The following KCNH7 variants were observed in gnomAD, a reference collection of about 807,000 sequenced individuals.
KCNH7 encodes voltage-gated inwardly rectifying potassium channel KCNH7.
KCNH7 carries 49 observed loss-of-function variants against 120.8 expected under a neutral mutation model. That is an observed-to-expected ratio of 0.41 (90% confidence interval 0.32 to 0.51). The LOEUF is 0.51. Ranked by LOEUF, KCNH7 falls within the 20% of genes least tolerant of loss-of-function variation. The probability of loss-of-function intolerance (pLI) is 0.38; values close to 1 mark genes in which losing one functional copy is unlikely to be tolerated. For missense variants in KCNH7, 1,097 were observed against 1,446.6 expected, an observed-to-expected ratio of 0.76 and a Z score of 3.92; for synonymous variants, 547 against 516.1, an observed-to-expected ratio of 1.06 and a Z score of -0.81.
At chr2:162,430,457 T>A (rs569871987) in intron 8 of KCNH7, among the ~76,000 whole-genome samples, 10 of 152,200 alleles carry the variant, frequency 6.6e-5, no homozygotes, top group African/African-American at 2.4e-4. Flanking sequence ...TTAGTCTCCA[T>A]GACCTCTGAT....
chr2:162,587,700 G>T (rs530821569), intron 2 of KCNH7, among the ~76,000 whole-genome samples: 4 of 151,800 alleles, frequency 2.6e-5, no homozygotes, highest in African/African-American at 9.7e-5. Context: ...GTGTGCAATG[G>T]TAAAAAGCAA....
At chr2:162,766,472 A>G (rs1448833547) in intron 2 of KCNH7, among the ~76,000 whole-genome samples, 2 of 152,164 alleles carry the variant, frequency 1.3e-5, no homozygotes, top group African/African-American at 4.8e-5. Context: ...TTGTCACAAT[A>G]ATTTCTGACA....
At chr2:162,737,926 A>G (rs772548687) in intron 2 of KCNH7, among the ~76,000 whole-genome samples, 1 of 151,974 alleles carries the variant, frequency 6.6e-6, no homozygotes, top group East Asian at 1.9e-4. Flanking sequence ...TTAGCCACGT[A>G]TGGTGGCGCA....
At chr2:162,778,886 T>A (rs1181617071) in intron 2 of KCNH7, among the ~76,000 whole-genome samples, 1 of 152,106 alleles carries the variant, frequency 6.6e-6, no homozygotes, top group Non-Finnish European at 1.5e-5. Flanking sequence ...TATACGCATT[T>A]ACTACTTGGC....
At chr2:162,502,134 CAT>C (rs994403438) in intron 6 of KCNH7, 1 of 152,068 alleles carries the variant, frequency 6.6e-6, no homozygotes, top group Non-Finnish European at 1.5e-5. Flanking sequence ...TTACTGCTTT[CAT>C]AACTTTGTTC....
chr2:162,716,172 T>C (rs2105366074), intron 2 of KCNH7, among the ~76,000 whole-genome samples: 1 of 152,286 alleles, frequency 6.6e-6, no homozygotes, highest in Non-Finnish European at 1.5e-5. Flanking sequence ...TGATATTATC[T>C]TACTTACTAT....
At chr2:162,448,751 A>T (rs540022623) in intron 6 of KCNH7, among the ~76,000 whole-genome samples, 1 of 152,156 alleles carries the variant, frequency 6.6e-6, no homozygotes, top group South Asian at 2.1e-4. Context: ...GCACACCTTC[A>T]TTTAACATTC....
chr2:162,670,568 T>C (rs1685314939), intron 2 of KCNH7, among the ~76,000 whole-genome samples: 1 of 151,504 alleles, frequency 6.6e-6, no homozygotes, highest in Admixed American at 6.6e-5. Context: ...GGATATAAAT[T>C]GGGAGGTAAT....
At chr2:162,673,848 A>AT (rs1430288702) in intron 2 of KCNH7, among the ~76,000 whole-genome samples, 3 of 151,962 alleles carry the variant, frequency 2.0e-5, no homozygotes, top group African/African-American at 7.2e-5. Flanking sequence ...ATCTACTTAT[A>AT]TTTTTTTACA....
At chr2:162,600,540 A>G (rs922786614) in intron 2 of KCNH7, among the ~76,000 whole-genome samples, 4 of 152,158 alleles carry the variant, frequency 2.6e-5, no homozygotes, top group African/African-American at 7.2e-5. Context: ...GGTTTCAGTG[A>G]CAAGCCCCTA....
chr2:162,459,626 C>T (rs1689083626), intron 6 of KCNH7, among the ~76,000 whole-genome samples: 1 of 152,244 alleles, frequency 6.6e-6, no homozygotes, highest in Non-Finnish European at 1.5e-5. Context: ...GATAGTGGAA[C>T]CTCCAAATGT....
chr2:162,640,516 T>C (rs974186060), intron 2 of KCNH7, among the ~76,000 whole-genome samples: 4 of 151,824 alleles, frequency 2.6e-5, no homozygotes, highest in East Asian at 3.9e-4. Flanking sequence ...AAAAATGAAA[T>C]TTGACCCAAG....
intron 6 of KCNH7, among the ~76,000 whole-genome samples, chr2:162,476,440 T>A (rs887964884): frequency 2.6e-5 from 4 of 152,214 alleles, no homozygotes; most frequent in African/African-American, 4.8e-5. Context: ...TAACTTCTTA[T>A]GAAGACAGAT....
At chr2:162,735,190 C>G (rs1052443490) in intron 2 of KCNH7, among the ~76,000 whole-genome samples, 2 of 152,150 alleles carry the variant, frequency 1.3e-5, no homozygotes, top group Non-Finnish European at 2.9e-5. Flanking sequence ...CTCCATCTTG[C>G]TTCTAATCTC....
At chr2:162,580,263 A>C (rs1693825641) in intron 2 of KCNH7, among the ~76,000 whole-genome samples, 1 of 152,070 alleles carries the variant, frequency 6.6e-6, no homozygotes, top group African/African-American at 2.4e-5. Flanking sequence ...TCCCAGACCA[A>C]AGGAAAAAAG....
At chr2:162,790,705 T>C (rs1268233786) in intron 2 of KCNH7, among the ~76,000 whole-genome samples, 1 of 152,028 alleles carries the variant, frequency 6.6e-6, no homozygotes, top group Admixed American at 6.6e-5. Flanking sequence ...TGTGATACAC[T>C]TCATTAACAG....
intron 6 of KCNH7, among the ~76,000 whole-genome samples, chr2:162,498,763 A>T (rs976507985): frequency 2.0e-5 from 3 of 152,086 alleles, no homozygotes; most frequent in Non-Finnish European, 4.4e-5. Context: ...CCAAATTACT[A>T]ACTGTGAGCA....
intron 2 of KCNH7, among the ~76,000 whole-genome samples, chr2:162,638,870 G>A (rs1672910196): frequency 6.6e-6 from 1 of 152,100 alleles, no homozygotes; most frequent in Non-Finnish European, 1.5e-5. Context: ...AAATTCACTG[G>A]TGAACTGCAA....
chr2:162,697,504 C>CA (rs1391010732), intron 2 of KCNH7, among the ~76,000 whole-genome samples: 1 of 151,796 alleles, frequency 6.6e-6, no homozygotes, highest in East Asian at 1.9e-4. Flanking sequence ...ATGAGAACTC[C>CA]AAAAAGAAAT....
Sources: gnomAD v4.1 joint callset for allele counts (sites outside exome capture counted in the v4.1 genomes callset) on GRCh38, gnomAD v4.1.1 for gene constraint, MANE v1.5 for transcripts, NCBI Gene and HGNC (gene_info 2026-07-23, HGNC 2026-07-21) for gene names.